ADGRL2: variants seen among roughly 807,000 people sequenced by gnomAD.
The protein encoded by ADGRL2 is adhesion G protein-coupled receptor L2.
In ADGRL2, 44 loss-of-function variants were observed where a neutral mutation model predicts 157.4. That is an observed-to-expected ratio of 0.28 (90% CI 0.22 to 0.36). The LOEUF (loss-of-function observed/expected upper bound fraction) is 0.36. Ranked by LOEUF, ADGRL2 falls within the 10% of genes least tolerant of loss-of-function variation. The pLI is 1.00. For synonymous variants in ADGRL2, 585 were observed against 624.7 expected (o/e 0.94, Z 0.95); for missense variants, 1,510 against 1,768.9 (o/e 0.85, Z 2.63).
At chr1:81,418,296 C>T (rs925024495) in intron 1 of ADGRL2, among the ~76,000 whole-genome samples, 12 of 152,286 alleles carry the variant, frequency 7.9e-5, no homozygotes, top group African/African-American at 2.9e-4. Context: ...TGCCCTTGAG[C>T]CTGGAAATCA....
At chr1:81,882,735 C>T (rs1420544993) in intron 2 of ADGRL2, among the ~76,000 whole-genome samples, 2 of 152,290 alleles carry the variant, frequency 1.3e-5, no homozygotes, top group African/African-American at 4.8e-5. Context: ...AAATAGCCCT[C>T]AAATAATTTT....
At chr1:81,908,890 T>C (rs1342674841) in intron 3 of ADGRL2, among the ~76,000 whole-genome samples, 2 of 151,920 alleles carry the variant, frequency 1.3e-5, no homozygotes, top group African/African-American at 4.8e-5. Flanking sequence ...TTTTTTTTTT[T>C]TTAAGACAGA....
chr1:81,722,186 G>C (rs2084351953), intron 1 of ADGRL2: 11 of 368,058 alleles, frequency 3.0e-5, no homozygotes, highest in East Asian at 2.1e-4. Context: ...CCAGCTGCTC[G>C]GGAGGCTGAG....
intron 2 of ADGRL2, among the ~76,000 whole-genome samples, chr1:81,906,165 C>G (rs939676289): frequency 2.0e-5 from 3 of 152,114 alleles, no homozygotes; most frequent in African/African-American, 7.2e-5. Context: ...TGAAAACCTA[C>G]CAAGTTTGGG....
At chr1:81,655,308 T>G (rs2082508986) in intron 3 of ADGRL2, among the ~76,000 whole-genome samples, 1 of 152,182 alleles carries the variant, frequency 6.6e-6, no homozygotes, top group African/African-American at 2.4e-5. Flanking sequence ...CCTCATTCTG[T>G]ATTTTTAATA....
chr1:81,866,348 T>C (rs1215248474), intron 2 of ADGRL2, among the ~76,000 whole-genome samples: 1 of 152,134 alleles, frequency 6.6e-6, no homozygotes, highest in Non-Finnish European at 1.5e-5. Context: ...TACCTGTAAA[T>C]ACTTTATTTT....
chr1:81,531,150 T>G (rs796569286), intron 2 of ADGRL2, among the ~76,000 whole-genome samples: 8 of 151,232 alleles, frequency 5.3e-5, no homozygotes, highest in African/African-American at 1.9e-4. Context: ...TGGTATGCAA[T>G]AAATAGTTGT....
chr1:81,588,680 C>T (rs1165125835), intron 3 of ADGRL2, among the ~76,000 whole-genome samples: 1 of 152,078 alleles, frequency 6.6e-6, no homozygotes. Flanking sequence ...GCTGTACTTG[C>T]CTGTTACAGT....
intron 11 of ADGRL2, among the ~76,000 whole-genome samples, chr1:81,963,917 T>C (rs1310635648): frequency 6.6e-6 from 1 of 151,268 alleles, no homozygotes; most frequent in Non-Finnish European, 1.5e-5. Flanking sequence ...AGTTGAGTTT[T>C]TTAATGGTCA....
rs529229357 is a variant in ADGRL2 at position 81,328,747 on chromosome 1, C to T, written c.-302+22238C>T. Among the ~76,000 whole-genome samples the T allele has an allele frequency of 3.3e-5, 5 of 152,142 alleles. No homozygotes were observed. The South Asian group carries it at 1.0e-3, about 32-fold the overall frequency. On this transcript the variant is annotated intron_variant, in intron 1 of 24. Coordinates refer to the ADGRL2 transcript ENST00000370721. ...GTAAGGATCACCTCAATTCCAGTAT[C>T]TTTATCCACCTAGTGCAACAAATAA... is the stretch of plus-strand genomic sequence containing the variant.
chr1:81,540,700 G>C (rs1029267161), intron 2 of ADGRL2, among the ~76,000 whole-genome samples: 3 of 152,192 alleles, frequency 2.0e-5, no homozygotes, highest in African/African-American at 7.2e-5. Flanking sequence ...GATCATACAG[G>C]TACTGACAGG....
At chr1:81,868,094 T>TGTGA (rs397775704) in intron 2 of ADGRL2, among the ~76,000 whole-genome samples, 6 of 150,430 alleles carry the variant, frequency 4.0e-5, no homozygotes, top group African/African-American at 9.8e-5. Flanking sequence ...TGTGTGTGTG[T>TGTGA]GATAAAAATT....
chr1:81,457,714 A>G (rs776618022), intron 2 of ADGRL2, among the ~76,000 whole-genome samples: 2 of 152,208 alleles, frequency 1.3e-5, no homozygotes, highest in African/African-American at 2.4e-5. Context: ...TGTATATAAA[A>G]TGATCCAGAA....
chr1:81,728,961 G>A (rs1163450399), intron 1 of ADGRL2, among the ~76,000 whole-genome samples: 2 of 152,120 alleles, frequency 1.3e-5, no homozygotes, highest in African/African-American at 4.8e-5. Context: ...AAATATGGGA[G>A]CAAAGATGCC....
chr1:81,881,543 T>C (rs1272842522), intron 2 of ADGRL2, among the ~76,000 whole-genome samples: 1 of 152,188 alleles, frequency 6.6e-6, no homozygotes, highest in African/African-American at 2.4e-5. Context: ...CAAATAGTAC[T>C]GAAAAAGGAA....
intron 2 of ADGRL2, among the ~76,000 whole-genome samples, chr1:81,501,339 A>G (rs2078842174): frequency 6.6e-6 from 1 of 152,348 alleles, no homozygotes; most frequent in East Asian, 1.9e-4. Context: ...TGATCGGTGT[A>G]CTATTCTGCA....
At chr1:81,962,091 A>G (rs1655606427) in intron 11 of ADGRL2, among the ~76,000 whole-genome samples, 3 of 152,210 alleles carry the variant, frequency 2.0e-5, no homozygotes, top group African/African-American at 7.2e-5. Flanking sequence ...GTGGTAGAGC[A>G]TACCCACCTT....
At chr1:81,483,780 A>G (rs1294864100) in intron 2 of ADGRL2, among the ~76,000 whole-genome samples, 1 of 152,190 alleles carries the variant, frequency 6.6e-6, no homozygotes, top group Admixed American at 6.5e-5. Context: ...GTTTCCTTTC[A>G]TAAAACTTTT....
intron 1 of ADGRL2, among the ~76,000 whole-genome samples, chr1:81,335,040 C>G (rs139974884): frequency 2.7e-3 from 418 of 152,266 alleles, no homozygotes; most frequent in Non-Finnish European, 4.5e-3. Context: ...AACTAACCAT[C>G]ACAAATTCCT....
Sources: allele counts gnomAD v4.1 joint callset (sites outside exome capture counted in the v4.1 genomes callset), GRCh38; gene constraint gnomAD v4.1.1; transcripts MANE v1.5; gene names NCBI Gene and HGNC (gene_info 2026-07-23, HGNC 2026-07-21).